The following ASTN1 variants were observed in gnomAD, a reference collection of about 807,000 sequenced individuals.
The protein encoded by ASTN1 is astrotactin-1.
ASTN1 carries 41 observed loss-of-function variants against 140.7 expected under a neutral mutation model. That is an observed-to-expected ratio of 0.29 (90% CI 0.23 to 0.38). The LOEUF (loss-of-function observed/expected upper bound fraction) is 0.38, where lower values mean the gene tolerates loss of function less well. Ranked by LOEUF, ASTN1 falls within the 10% of genes least tolerant of loss-of-function variation. ASTN1 has a pLI of 1.00. For synonymous variants in ASTN1, 640 were observed against 652.2 expected (o/e 0.98, Z 0.29); for missense variants, 1,479 against 1,678.8 (o/e 0.88, Z 2.08).
intron 10 of ASTN1, 72 bp from the exon 11 acceptor site, chr1:176,957,900 C>T: frequency 6.6e-7 from 1 of 1,513,350 alleles, no homozygotes; most frequent in Non-Finnish European, 9.0e-7. Context: ...CATTACATTC[C>T]ATGCTCCTAT....
rs1010669138 is a variant in ASTN1 at position 177,078,396 on chromosome 1, A to G, written c.284-17131T>C. On this transcript the variant is annotated intron_variant, in intron 1 of 22. Coordinates refer to ENST00000361833, the MANE Select transcript of ASTN1 (RefSeq NM_004319.3). ...GCCCTGTAAGCAACAGTGCTCACCC[A>G]CTGAGATGTGAACACCCTTTGGGAG... Among the ~76,000 whole-genome samples the G allele has an allele frequency of 1.8e-4, 27 of 152,126 alleles. 2 individuals carry two copies. The highest frequency in any genetic ancestry group is 1.8e-3 in the Admixed American group (27 of 15,270).
chr1:176,895,458 T>C (rs941831983), intron 16 of ASTN1, among the ~76,000 whole-genome samples: 3 of 152,194 alleles, frequency 2.0e-5, no homozygotes, highest in Non-Finnish European at 4.4e-5. Context: ...GCTAGTAGAT[T>C]GTGAGAGCTG....
intron 16 of ASTN1, among the ~76,000 whole-genome samples, chr1:176,919,757 C>G (rs986961612): frequency 8.5e-5 from 13 of 152,228 alleles, no homozygotes; most frequent in African/African-American, 3.1e-4. Flanking sequence ...AATAAACTGA[C>G]AGGAGGGACC....
intron 1 of ASTN1, among the ~76,000 whole-genome samples, chr1:177,102,243 A>G (rs1571785485): frequency 6.6e-6 from 1 of 152,232 alleles, no homozygotes; most frequent in African/African-American, 2.4e-5. Context: ...GTTAAGTATT[A>G]TAAGTCAATA....
intron 16 of ASTN1, among the ~76,000 whole-genome samples, chr1:176,916,546 G>T (rs1177140884): frequency 2.6e-5 from 4 of 152,086 alleles, no homozygotes; most frequent in African/African-American, 7.2e-5. Context: ...AGATTTCCAC[G>T]AGTGTGCACT....
intron 1 of ASTN1, among the ~76,000 whole-genome samples, chr1:177,161,120 G>A (rs1323260842): frequency 3.9e-5 from 6 of 152,096 alleles, no homozygotes; most frequent in African/African-American, 1.4e-4. Context: ...TATACCACAC[G>A]CAAAACTGCC....
intron 16 of ASTN1, among the ~76,000 whole-genome samples, chr1:176,922,997 A>G (rs1427129738): frequency 6.6e-6 from 1 of 152,194 alleles, no homozygotes; most frequent in Non-Finnish European, 1.5e-5. Context: ...CAATCCTGGT[A>G]CAACCTTTTA....
chr1:176,973,945 C>T (rs572516692), intron 8 of ASTN1, among the ~76,000 whole-genome samples: 2 of 152,290 alleles, frequency 1.3e-5, no homozygotes, highest in South Asian at 4.1e-4. Context: ...AATAAGAGCA[C>T]CACAGATCCT....
intron 1 of ASTN1, among the ~76,000 whole-genome samples, chr1:177,113,921 T>C (rs1287354559): frequency 1.3e-5 from 2 of 152,206 alleles, no homozygotes; most frequent in Admixed American, 6.5e-5. Context: ...CTTGATATAC[T>C]AGCAATAGTA....
At chr1:177,119,274 G>A (rs1004893616) in intron 1 of ASTN1, among the ~76,000 whole-genome samples, 1 of 152,114 alleles carries the variant, frequency 6.6e-6, no homozygotes, top group Non-Finnish European at 1.5e-5. Context: ...GTGCCTAGTA[G>A]GTGCTAAATA....
chr1:176,874,467 A>AT (rs1205825728), intron 21 of ASTN1, among the ~76,000 whole-genome samples: 2 of 152,172 alleles, frequency 1.3e-5, no homozygotes, highest in Non-Finnish European at 2.9e-5. Context: ...TTCTCTAACC[A>AT]TTTTTTGGTA....
chr1:176,958,046 A>G lies in ASTN1; in HGVS notation c.1737-218T>C, dbSNP rs118091687. Among the ~76,000 whole-genome samples, 231 of 152,348 alleles carry G rather than the reference A, an allele frequency of 1.5e-3. 3 individuals carry two copies. In the East Asian group the frequency reaches 0.042, roughly 28 times the overall value. ...AAGGCTGTAACGCCTGGTCAAAGAA[A>G]GAGGTCTAAACTCAGGCAAGGAAAT... On this transcript the variant is annotated intron_variant, in intron 10 of 22. Coordinates refer to ENST00000361833, the MANE Select transcript of ASTN1 (RefSeq NM_004319.3).
chr1:177,111,753 T>C (rs1680830564), intron 1 of ASTN1, among the ~76,000 whole-genome samples: 1 of 152,158 alleles, frequency 6.6e-6, no homozygotes, highest in African/African-American at 2.4e-5. Context: ...TGCAAACATC[T>C]AGACAACTGC....
At chr1:177,068,800 CT>C (rs1678489971) in intron 1 of ASTN1, among the ~76,000 whole-genome samples, 1 of 149,136 alleles carries the variant, frequency 6.7e-6, no homozygotes, top group Non-Finnish European at 1.5e-5. Flanking sequence ...TTGGATTTTT[CT>C]TTTTTTCCTT....
intron 11 of ASTN1, among the ~76,000 whole-genome samples, 187 bp from the exon 12 acceptor site, chr1:176,949,538 T>C (rs544903129): frequency 6.6e-6 from 1 of 152,210 alleles, no homozygotes; most frequent in Non-Finnish European, 1.5e-5. Flanking sequence ...TTTGACGTCT[T>C]TCTTCTTCTC....
At chr1:177,066,597 G>T (rs1476094673) in intron 1 of ASTN1, among the ~76,000 whole-genome samples, 2 of 152,056 alleles carry the variant, frequency 1.3e-5, no homozygotes, top group Non-Finnish European at 1.5e-5. Flanking sequence ...CCCTCTTTGG[G>T]CATTCCTTCA....
intron 16 of ASTN1, among the ~76,000 whole-genome samples, chr1:176,900,457 T>C (rs982033875): frequency 5.9e-5 from 9 of 152,112 alleles, no homozygotes; most frequent in Admixed American, 2.0e-4. Flanking sequence ...TGTGTTTCTC[T>C]CTCTCTCTCT....
At chr1:177,040,316 G>A (rs1331618863) in intron 2 of ASTN1, among the ~76,000 whole-genome samples, 1 of 152,204 alleles carries the variant, frequency 6.6e-6, no homozygotes, top group East Asian at 1.9e-4. Flanking sequence ...GCCTCAATAT[G>A]TCTTCTGGGG....
intron 5 of ASTN1, among the ~76,000 whole-genome samples, chr1:177,025,447 AT>A (rs1015883894): frequency 2.7e-5 from 4 of 149,936 alleles, no homozygotes; most frequent in South Asian, 2.1e-4. Flanking sequence ...TACCATTGTT[AT>A]TTTTTTTTAA....
Sources: allele counts gnomAD v4.1 joint callset (sites outside exome capture counted in the v4.1 genomes callset), GRCh38; gene constraint gnomAD v4.1.1; transcripts MANE v1.5; gene names NCBI Gene and HGNC (gene_info 2026-07-23, HGNC 2026-07-21).